The following GALNT16 variants were observed in gnomAD, a reference collection of about 807,000 sequenced individuals.
The protein encoded by GALNT16 is polypeptide N-acetylgalactosaminyltransferase 16.
In GALNT16, 40 loss-of-function variants were observed where a neutral mutation model predicts 76.1. The observed-to-expected ratio is 0.53, with a 90% CI of 0.41 to 0.68. The LOEUF (loss-of-function observed/expected upper bound fraction) is 0.68. Among genes scored for constraint, GALNT16 ranks in the 30% least tolerant of loss-of-function variants. The pLI, the probability that GALNT16 is intolerant of heterozygous loss-of-function variation, is 0.00. For missense variants in GALNT16, 621 were observed against 731.9 expected (o/e 0.85, Z 1.75); for synonymous variants, 276 against 285.2 (o/e 0.97, Z 0.32).
At chr14:69,293,924 C>T (rs948696456) in intron 1 of GALNT16, among the ~76,000 whole-genome samples, 15 of 151,888 alleles carry the variant, frequency 9.9e-5, no homozygotes, top group African/African-American at 3.6e-4. Flanking sequence ...CGGAGTCTTG[C>T]TCTGTCACCA....
the GALNT16 span, among the ~76,000 whole-genome samples, chr14:69,364,914 C>T: frequency 6.6e-6 from 1 of 152,072 alleles, no homozygotes; most frequent in South Asian, 2.1e-4. The surrounding 1 kb of genome is among the most constrained non-coding windows in gnomAD (Gnocchi z 4.2). Context: ...AATTACCCAG[C>T]CAGCTCTTCA....
intron 1 of GALNT16, among the ~76,000 whole-genome samples, chr14:69,288,921 A>G (rs1160329749): frequency 1.3e-5 from 2 of 152,100 alleles, no homozygotes; most frequent in Non-Finnish European, 2.9e-5. Flanking sequence ...TCTGCCACCC[A>G]GGTGGGAGTG....
In GALNT16 at chr14:69,322,985, C is replaced by CGT. The variant is rs1205697361; in HGVS notation, c.336-1706_336-1705insTG. ...GTGTGTGTGTGTGTGTGTGTGTGCG[C>CGT]GCGCACGCGCGCACGCATGCACACG... On this transcript the variant is annotated intron_variant, in intron 2 of 14. Transcript: ENST00000448469. 1.5e-3 allele frequency among the ~76,000 whole-genome samples: 37 copies of CGT among 25,012 alleles called. 2 individuals are homozygous for CGT. Among genetic ancestry groups the CGT allele is most frequent in the Non-Finnish European group, 2.0e-3 (29 of 14,796 alleles). The allele number at this position is 25,012 out of a possible 152,430, so 16.4% of individuals were successfully genotyped here.
chr14:69,371,692 T>C, the GALNT16 span, among the ~76,000 whole-genome samples: 1 of 151,924 alleles, frequency 6.6e-6, no homozygotes, highest in Non-Finnish European at 1.5e-5. Context: ...ACGCCTGTAA[T>C]CCCAGAACTT....
chr14:69,316,690 G>A (rs1244840812), intron 1 of GALNT16, among the ~76,000 whole-genome samples: 1 of 150,020 alleles, frequency 6.7e-6, no homozygotes, highest in African/African-American at 2.5e-5. Flanking sequence ...GCAAGTAAGG[G>A]GCAGCAGTGG....
Position 69,326,029 on chromosome 14 carries a change from T to C in GALNT16, c.568+2T>C. 6.2e-7 allele frequency: 1 copy of C among 1,612,188 alleles called. No individual in the cohort carries two copies. Among genetic ancestry groups the C allele is most frequent in the Non-Finnish European group, 8.5e-7 (1 of 1,178,444 alleles). On this transcript the variant is annotated splice_donor_variant, in intron 5 of 14. Transcript: ENST00000448469. LOFTEE classifies it high-confidence loss of function. ...GCCTGCGCAATGATCGGCGGGAAGG[T>C]GAGTCCTTGCACCCTGGGTCCCACC...
At chr14:69,312,546 C>T (rs559534148) in intron 1 of GALNT16, among the ~76,000 whole-genome samples, 2 of 152,156 alleles carry the variant, frequency 1.3e-5, no homozygotes, top group Non-Finnish European at 2.9e-5. Flanking sequence ...ACTTTGTCTC[C>T]CGTTAGGTGT....
chr14:69,281,017 G>A (rs115417771), intron 1 of GALNT16, among the ~76,000 whole-genome samples: 2,412 of 151,822 alleles, frequency 0.016, 68 homozygotes, highest in African/African-American at 0.056. Flanking sequence ...TTCGCCACAT[G>A]CCCACACCAA....
At position 69,353,468 on chromosome 14, in the gene GALNT16, G is replaced by A. The variant is rs2045663467; in HGVS notation, c.*1300G>A. 6.6e-6 allele frequency: 1 copy of A among 152,338 alleles called. No homozygotes were observed. Among genetic ancestry groups the A allele is most frequent in the African/African-American group, 2.4e-5 (1 of 41,420 alleles). The allele number at this position is 152,338 out of a possible 1,614,324, so 9.4% of individuals were successfully genotyped here. A position where few individuals can be genotyped will look rare whatever the true frequency, so the allele number is the denominator to read the frequency against. On this transcript the variant is annotated 3_prime_UTR_variant, in exon 15 of 15. Transcript: ENST00000448469. Reference sequence around the variant, plus strand: ...CACATCTACCCCACGGCCTTGTCTTGGAACTGCTCCTGCTATCCCCACACC... The same window carrying A: ...CACATCTACCCCACGGCCTTGTCTTAGAACTGCTCCTGCTATCCCCACACC...
At chr14:69,339,055 C>T (rs2045450146) in intron 10 of GALNT16, among the ~76,000 whole-genome samples, 1 of 152,064 alleles carries the variant, frequency 6.6e-6, no homozygotes, top group South Asian at 2.1e-4. Context: ...CCATGCTCTC[C>T]ACTCATGGAG....
Position 69,269,894 on chromosome 14 carries a change from G to A in GALNT16, c.177+9427G>A, listed in dbSNP as rs188098147. 1.7e-3 allele frequency among the ~76,000 whole-genome samples: 264 copies of A among 152,062 alleles called. 1 individual carries two copies. Among genetic ancestry groups the A allele is most frequent in the African/African-American group, 6.2e-3 (258 of 41,442 alleles). On this transcript the variant is annotated intron_variant, in intron 1 of 14. Transcript: ENST00000448469. ...GGAGGGTGCCGGTGCCTGAAGCGATGTAAAAGGGAAAAGGTAACGGAGCCC... is the reference window on the plus strand; with the variant it reads ...GGAGGGTGCCGGTGCCTGAAGCGATATAAAAGGGAAAAGGTAACGGAGCCC...
rs1048088732 is a variant in GALNT16 at position 69,331,328 on chromosome 14, G to A, written c.691-136G>A. 5 of 659,748 alleles carry A rather than the reference G, an allele frequency of 7.6e-6. No individual in the cohort carries two copies. In the African/African-American group the frequency reaches 9.0e-5, roughly 12 times the overall value. The allele number at this position is 659,748 out of a possible 1,614,324, so 40.9% of individuals were successfully genotyped here. On this transcript the variant is annotated intron_variant, in intron 6 of 14. Transcript: ENST00000448469. ...CTGCCAGGAGCCTGCCAGGGTTGAG[G>A]GGTGGCCCTGGGCATACCCTGCAGG...
At position 69,339,451 on chromosome 14, in the gene GALNT16, T is replaced by A. The variant is rs558784918; in HGVS notation, c.1095-76T>A. ...ATTCTCATCGTCCTGTATTCATGGA[T>A]CGATTAATCTTGATCCTGACCGCTA... On this transcript the variant is annotated intron_variant, in intron 10 of 14. Transcript: ENST00000448469. The A allele has an allele frequency of 2.3e-5, 20 of 866,556 alleles. No homozygotes were observed. The South Asian group carries it at 2.5e-4, about 11-fold the overall frequency. The allele number at this position is 866,556 out of a possible 1,614,324, so 53.7% of individuals were successfully genotyped here. A position where few individuals can be genotyped will look rare whatever the true frequency, so the allele number is the denominator to read the frequency against.
the GALNT16 span, among the ~76,000 whole-genome samples, chr14:69,381,300 T>C: frequency 6.6e-6 from 1 of 152,148 alleles, no homozygotes; most frequent in Non-Finnish European, 1.5e-5. Flanking sequence ...GAACAAACTT[T>C]AGATTTGCAA....
At chr14:69,326,104 G>A (rs1402883274) in intron 5 of GALNT16, 77 bp downstream of exon 5, 2 of 1,118,706 alleles carry the variant, frequency 1.8e-6, no homozygotes, top group African/African-American at 1.5e-5. Context: ...CTCTCTTGGT[G>A]CCGTGGCACA....
At chr14:69,357,621 T>C (rs557256966), downstream of GALNT16, 2 of 152,354 alleles carry the variant, frequency 1.3e-5, no homozygotes, top group East Asian at 3.9e-4. Flanking sequence ...ATACTCATGG[T>C]GGAGGCGTTC....
the GALNT16 span, among the ~76,000 whole-genome samples, chr14:69,367,200 G>A: frequency 6.6e-6 from 1 of 152,092 alleles, no homozygotes; most frequent in Admixed American, 6.5e-5. Context: ...AGGGCCTTGG[G>A]CGGTAAGCTA....
At chr14:69,356,619 G>A (rs957893677), downstream of GALNT16, 2 of 138,632 alleles carry the variant, frequency 1.4e-5, no homozygotes, top group Non-Finnish European at 3.0e-5. Context: ...GCAGTGGCAT[G>A]ATCTCCACTT....
intron 1 of GALNT16, among the ~76,000 whole-genome samples, chr14:69,316,339 G>A (rs2045100199): frequency 6.6e-6 from 1 of 152,184 alleles, no homozygotes; most frequent in Admixed American, 6.5e-5. Flanking sequence ...CAATCACCAA[G>A]GTTTTTCTCT....
Sources: allele counts gnomAD v4.1 joint callset (sites outside exome capture counted in the v4.1 genomes callset), GRCh38; gene constraint gnomAD v4.1.1; non-coding constraint Gnocchi (gnomAD v3.1); transcripts MANE v1.5; gene names NCBI Gene and HGNC (gene_info 2026-07-23, HGNC 2026-07-21).